The following KCNH7 variants were observed in gnomAD, a reference collection of about 807,000 sequenced individuals.
The protein encoded by KCNH7 is potassium voltage-gated channel subfamily H member 7, also known as voltage-gated inwardly rectifying potassium channel KCNH7.
KCNH7 carries 49 observed loss-of-function variants against 120.8 expected under a neutral mutation model. That is an observed-to-expected ratio of 0.41 (90% CI 0.32 to 0.51). The LOEUF (loss-of-function observed/expected upper bound fraction) is 0.51. Ranked by LOEUF, KCNH7 falls within the 20% of genes least tolerant of loss-of-function variation. KCNH7 has a pLI of 0.38. For synonymous variants in KCNH7, 547 were observed against 516.1 expected, an observed-to-expected ratio of 1.06 and a Z score of -0.81; for missense variants, 1,097 against 1,446.6, an observed-to-expected ratio of 0.76 and a Z score of 3.92.
In KCNH7 at chr2:162,494,431, T is replaced by C. The variant is rs537062131; in HGVS notation, c.1128+10012A>G. 1.0e-3 allele frequency among the ~76,000 whole-genome samples: 152 copies of C among 152,272 alleles called. 1 individual carries two copies. The highest frequency in any genetic ancestry group is 3.4e-3 in the African/African-American group (140 of 41,568). On this transcript the variant is annotated intron_variant, in intron 6 of 15. Transcript: ENST00000332142. ...GAGGGCCCCTGGAGCATCCAAAAGATAGGTAAACAGGATTATTTGACATTT... is the reference window on the plus strand; with the variant it reads ...GAGGGCCCCTGGAGCATCCAAAAGACAGGTAAACAGGATTATTTGACATTT...
chr2:162,389,917 A>G (rs1686693105), intron 12 of KCNH7, among the ~76,000 whole-genome samples: 1 of 152,058 alleles, frequency 6.6e-6, no homozygotes, highest in South Asian at 2.1e-4. Flanking sequence ...TTGTTAACCA[A>G]TGAAGAATTT....
chr2:162,803,490 G>A (rs1266069608), intron 2 of KCNH7, among the ~76,000 whole-genome samples: 2 of 151,686 alleles, frequency 1.3e-5, no homozygotes, highest in African/African-American at 2.4e-5. Flanking sequence ...GACACTTAGA[G>A]TGTATAATCT....
chr2:162,457,490 A>G (rs1207211889), intron 6 of KCNH7, among the ~76,000 whole-genome samples: 2 of 152,156 alleles, frequency 1.3e-5, no homozygotes, highest in Admixed American at 6.6e-5. Flanking sequence ...GTACACTGCT[A>G]TTTGTTTAAC....
Position 162,519,303 on chromosome 2 carries a change from A to G in KCNH7, c.464-1145T>C, listed in dbSNP as rs189012993. On this transcript the variant is annotated intron_variant, in intron 3 of 15. Transcript: ENST00000332142. The stretch of plus-strand genomic sequence containing the variant: ...GGAGAATTACTGAATAAATTATGGC[A>G]TTTTTATTATTTGGAATCCTATGAT... Among the ~76,000 whole-genome samples the G allele has an allele frequency of 3.1e-4, 47 of 151,974 alleles. 1 individual carries two copies. Among genetic ancestry groups the G allele is most frequent in the African/African-American group, 1.1e-3 (45 of 41,554 alleles).
chr2:162,807,296 G>T (rs1231374610), intron 2 of KCNH7, among the ~76,000 whole-genome samples: 2 of 147,008 alleles, frequency 1.4e-5, no homozygotes, highest in African/African-American at 5.0e-5. Flanking sequence ...AATTAGCCAG[G>T]TGTGGTGCTG....
chr2:162,683,286 C>T (rs939395033), intron 2 of KCNH7, among the ~76,000 whole-genome samples: 3 of 151,820 alleles, frequency 2.0e-5, no homozygotes, highest in African/African-American at 7.2e-5. Context: ...TAACAAAGCA[C>T]AGAATTTCCT....
intron 6 of KCNH7, among the ~76,000 whole-genome samples, chr2:162,495,451 T>C (rs774876329): frequency 3.7e-4 from 56 of 152,194 alleles, no homozygotes; most frequent in Non-Finnish European, 1.0e-4. Context: ...AAAGGTCTTA[T>C]CTGAGATTCC....
chr2:162,441,238 T>C (rs762068198), intron 7 of KCNH7, among the ~76,000 whole-genome samples: 2 of 152,192 alleles, frequency 1.3e-5, no homozygotes, highest in Non-Finnish European at 2.9e-5. Context: ...AAGTTGAACA[T>C]GATTATATTG....
chr2:162,791,086 A>G (rs1272238083), intron 2 of KCNH7, among the ~76,000 whole-genome samples: 1 of 152,138 alleles, frequency 6.6e-6, no homozygotes, highest in Non-Finnish European at 1.5e-5. Context: ...GACTATACCA[A>G]CAAATCTGTT....
rs532474744 is a variant in KCNH7 at position 162,740,661 on chromosome 2, A to G, written c.307+95876T>C. Among the ~76,000 whole-genome samples the G allele has an allele frequency of 1.3e-4, 20 of 152,342 alleles. No individual in the cohort carries two copies. The South Asian group carries it at 3.5e-3, about 27-fold the overall frequency. The stretch of plus-strand genomic sequence containing the variant: ...TGAGACTGGTGTACTCAGCCTGTCA[A>G]TCTTACAGCAGGTCCAAGTTCTCTT... On this transcript the variant is annotated intron_variant, in intron 2 of 15. Coordinates refer to ENST00000332142, the MANE Select transcript of KCNH7 (RefSeq NM_033272.4).
At position 162,732,771 on chromosome 2, in the gene KCNH7, T is replaced by C. The variant is rs188480638; in HGVS notation, c.307+103766A>G. ...CTTTACAAGTTTTGGGTACTTTTGT[T>C]ATGCCTGTTAGAAATAGAAATTTCT... On this transcript the variant is annotated intron_variant, in intron 2 of 15. Coordinates refer to ENST00000332142, the MANE Select transcript of KCNH7 (RefSeq NM_033272.4). Among the ~76,000 whole-genome samples, 251 of 152,346 alleles carry C rather than the reference T, an allele frequency of 1.6e-3. 2 individuals carry two copies. The highest frequency in any genetic ancestry group is 5.8e-3 in the African/African-American group (240 of 41,584).
At chr2:162,382,268 G>A (rs560427828) in intron 13 of KCNH7, among the ~76,000 whole-genome samples, 2 of 152,016 alleles carry the variant, frequency 1.3e-5, no homozygotes, top group Non-Finnish European at 1.5e-5. Context: ...TACTCTTAGA[G>A]GCTTCCTTGA....
At chr2:162,596,844 A>G (rs933758249) in intron 2 of KCNH7, among the ~76,000 whole-genome samples, 1 of 152,064 alleles carries the variant, frequency 6.6e-6, no homozygotes, top group African/African-American at 2.4e-5. Context: ...CAAGGAACTC[A>G]AACAACTCAA....
At chr2:162,648,884 C>T (rs1044938974) in intron 2 of KCNH7, among the ~76,000 whole-genome samples, 22 of 152,118 alleles carry the variant, frequency 1.4e-4, no homozygotes, top group Admixed American at 1.4e-3. Context: ...GAAGATACTT[C>T]TCTTAAGTTT....
chr2:162,557,035 G>T (rs1692879936), intron 2 of KCNH7, among the ~76,000 whole-genome samples: 1 of 152,192 alleles, frequency 6.6e-6, no homozygotes, highest in Admixed American at 6.5e-5. Context: ...GTGGCTCAAA[G>T]CAACAATTTG....
intron 2 of KCNH7, among the ~76,000 whole-genome samples, chr2:162,817,432 C>T (rs1170811709): frequency 6.6e-6 from 1 of 152,010 alleles, no homozygotes; most frequent in Non-Finnish European, 1.5e-5. Flanking sequence ...CATTGTCTGG[C>T]TACACCACAA....
intron 2 of KCNH7, among the ~76,000 whole-genome samples, chr2:162,609,046 C>T (rs1001022775): frequency 4.6e-5 from 7 of 152,082 alleles, no homozygotes; most frequent in African/African-American, 1.7e-4. Flanking sequence ...ACACAGACAC[C>T]GCCAGCCCCC....
At chr2:162,749,335 TATTC>T (rs1355391885) in intron 2 of KCNH7, among the ~76,000 whole-genome samples, 4 of 152,086 alleles carry the variant, frequency 2.6e-5, no homozygotes, top group East Asian at 1.9e-4. Context: ...AAATAGATAC[TATTC>T]ATTCATTCAG....
chr2:162,468,829 G>A (rs1317488172), intron 6 of KCNH7, among the ~76,000 whole-genome samples: 1 of 150,982 alleles, frequency 6.6e-6, no homozygotes, highest in Non-Finnish European at 1.5e-5. Context: ...TTACAGGCGT[G>A]AGCCACTGCA....
Sources: allele counts gnomAD v4.1 joint callset (sites outside exome capture counted in the v4.1 genomes callset), GRCh38; gene constraint gnomAD v4.1.1; transcripts MANE v1.5; gene names NCBI Gene and HGNC (gene_info 2026-07-23, HGNC 2026-07-21).